Variants in CNGB3 observed in about 807,000 individuals in gnomAD.
CNGB3 encodes cyclic nucleotide gated channel subunit beta 3, also known as cyclic nucleotide-gated channel beta-3.
Under a neutral mutation model 92.8 loss-of-function variants are expected in CNGB3, and 86 were observed. That is an observed-to-expected ratio of 0.93 (90% confidence interval 0.78 to 1.11). CNGB3 has a LOEUF of 1.11. Among genes scored for constraint, CNGB3 ranks in the 50% least tolerant of loss-of-function variants. The pLI, the probability that CNGB3 is intolerant of heterozygous loss-of-function variation, is 0.00. For synonymous variants in CNGB3, 333 were observed against 332.7 expected, an observed-to-expected ratio of 1.00 and a Z score of -0.01; for missense variants, 1,026 against 956.8, an observed-to-expected ratio of 1.07 and a Z score of -0.95.
chr8:86,643,234 C>A (rs1459231518), intron 10 of CNGB3, among the ~76,000 whole-genome samples: 1 of 151,334 alleles, frequency 6.6e-6, no homozygotes, highest in Non-Finnish European at 1.5e-5. Flanking sequence ...TTTATTTAGA[C>A]CAATTCATGG....
chr8:86,722,279 T>A (rs1824985303), intron 3 of CNGB3, among the ~76,000 whole-genome samples: 1 of 152,170 alleles, frequency 6.6e-6, no homozygotes, highest in Non-Finnish European at 1.5e-5. Flanking sequence ...CAAAATATAT[T>A]TTTATATTAA....
chr8:86,677,758 G>A (rs1365972792), intron 3 of CNGB3, among the ~76,000 whole-genome samples: 1 of 152,162 alleles, frequency 6.6e-6, no homozygotes, highest in African/African-American at 2.4e-5. Context: ...TAGGATGGGG[G>A]CAAGTAAGAG....
chr8:86,734,792 G>A (rs1407467676), intron 2 of CNGB3, among the ~76,000 whole-genome samples: 5 of 152,116 alleles, frequency 3.3e-5, no homozygotes, highest in Non-Finnish European at 5.9e-5. Context: ...CTTCAGACAG[G>A]GCATGAATGC....
At chr8:86,709,169 C>T (rs1445431339) in intron 3 of CNGB3, among the ~76,000 whole-genome samples, 1 of 152,116 alleles carries the variant, frequency 6.6e-6, no homozygotes, top group Admixed American at 6.5e-5. Context: ...GGGATTAGCA[C>T]ACTAACAAAG....
At chr8:86,706,350 C>T (rs1356952372) in intron 3 of CNGB3, among the ~76,000 whole-genome samples, 1 of 152,144 alleles carries the variant, frequency 6.6e-6, no homozygotes, top group East Asian at 1.9e-4. Context: ...CCTTTCAAAA[C>T]ACATGTTGGT....
rs370010875 is a variant in CNGB3 at position 86,616,823 on chromosome 8, C to T, written c.1579-5152G>A. Among the ~76,000 whole-genome samples the T allele has an allele frequency of 8.5e-5, 13 of 152,240 alleles. 1 individual carries two copies. The East Asian group carries it at 1.4e-3, about 16-fold the overall frequency. ...AGAACTGGAGTCCCAGGAAGCCTGT[C>T]GACTTTCTCTAAGGTCACACATGCG... On this transcript the variant is annotated intron_variant, in intron 13 of 17. Coordinates refer to ENST00000320005, the MANE Select transcript of CNGB3 (RefSeq NM_019098.5).
rs141530733 is a variant in CNGB3, at chr8:86,666,942, T to C, written c.835A>G (p.Arg279Gly). ...CCACTTACTATTATGTCTCCTCCTC[T>C]TACAAACTGGAGTCTGGGCTGGATA... Reference protein sequence around the residue: ...LFIQPRLQFVRGGDIIVDSNE... With the variant: ...LFIQPRLQFVGGGDIIVDSNE... The change falls in exon 6 of 18, where the codon AGA becomes GGA. Residue 279 changes from arginine to glycine, a missense_variant. Transcript: ENST00000320005. The C allele has an allele frequency of 8.1e-6, 13 of 1,612,522 alleles. 1 individual carries two copies. The Middle Eastern group carries it at 1.0e-3, about 125-fold the overall frequency.
At chr8:86,695,680 T>G (rs1045503409) in intron 3 of CNGB3, among the ~76,000 whole-genome samples, 1 of 152,164 alleles carries the variant, frequency 6.6e-6, no homozygotes, top group African/African-American at 2.4e-5. Flanking sequence ...GATTTCATCT[T>G]GGTTTGGATC....
chr8:86,601,844 T>G (rs961795889), intron 15 of CNGB3, among the ~76,000 whole-genome samples: 1 of 152,168 alleles, frequency 6.6e-6, no homozygotes, highest in African/African-American at 2.4e-5. Context: ...CTGAGCAAGT[T>G]TAAAGTTTGT....
At chr8:86,596,443 C>T (rs1822172675) in intron 15 of CNGB3, among the ~76,000 whole-genome samples, 1 of 152,138 alleles carries the variant, frequency 6.6e-6, no homozygotes, top group Non-Finnish European at 1.5e-5. Context: ...ATAAATATAG[C>T]AGTGTTATTC....
chr8:86,694,214 C>T lies in CNGB3; in HGVS notation c.339-23116G>A, dbSNP rs112054431. Among the ~76,000 whole-genome samples, 6 of 137,080 alleles carry T rather than the reference C, an allele frequency of 4.4e-5. No homozygotes were observed. The East Asian group carries it at 1.2e-3, about 27-fold the overall frequency. 89.9% of individuals were successfully genotyped at this position (137,080 alleles called of 152,430 possible). On this transcript the variant is annotated intron_variant, in intron 3 of 17. Coordinates refer to ENST00000320005, the MANE Select transcript of CNGB3 (RefSeq NM_019098.5). ...CTCCCTCCCGGACGGGGCGGCTGGC[C>T]GGGCGGGGGGCTGACCCCCCCACCT...
intron 3 of CNGB3, among the ~76,000 whole-genome samples, chr8:86,673,582 C>T (rs141129445): frequency 1.7e-3 from 259 of 152,184 alleles, no homozygotes; most frequent in African/African-American, 5.7e-3. Flanking sequence ...ATTAAGCAGA[C>T]GAAAGGCCTG....
At chr8:86,619,007 C>T (rs1822672149) in intron 13 of CNGB3, among the ~76,000 whole-genome samples, 2 of 152,208 alleles carry the variant, frequency 1.3e-5, no homozygotes, top group South Asian at 4.1e-4. Flanking sequence ...AGTCAAAGAT[C>T]CCAGTGAGGT....
chr8:86,667,494 C>T (rs540117577), intron 5 of CNGB3, among the ~76,000 whole-genome samples: 3 of 152,316 alleles, frequency 2.0e-5, no homozygotes, highest in South Asian at 4.1e-4. Context: ...TCTTTAGTTC[C>T]TCAGTAGTTA....
At chr8:86,661,546 C>T in intron 6 of CNGB3, 1 of 704,452 alleles carries the variant, frequency 1.4e-6, no homozygotes, top group Non-Finnish European at 2.7e-6. Flanking sequence ...TTTGAGTCTT[C>T]CTAATTTTCT....
intron 2 of CNGB3, among the ~76,000 whole-genome samples, chr8:86,736,284 A>G (rs541973435): frequency 8.2e-4 from 125 of 152,190 alleles, no homozygotes; most frequent in Non-Finnish European, 8.1e-4. Context: ...AAAATATCTT[A>G]AATATAACTG....
intron 3 of CNGB3, among the ~76,000 whole-genome samples, chr8:86,700,218 T>C (rs1423467460): frequency 6.6e-6 from 1 of 152,240 alleles, no homozygotes; most frequent in African/African-American, 2.4e-5. Context: ...AAGCTCTTTA[T>C]GCTTTTTTTC....
chr8:86,665,993 A>C (rs866659940), intron 6 of CNGB3, among the ~76,000 whole-genome samples: 4 of 152,236 alleles, frequency 2.6e-5, no homozygotes, highest in Non-Finnish European at 5.9e-5. Flanking sequence ...TCTCTACTAC[A>C]TGGAGGCACT....
At chr8:86,734,584 G>A (rs1825212579) in intron 2 of CNGB3, among the ~76,000 whole-genome samples, 1 of 152,100 alleles carries the variant, frequency 6.6e-6, no homozygotes, top group African/African-American at 2.4e-5. Flanking sequence ...GACTAAATTT[G>A]GTAAGAATTC....
Sources: allele counts gnomAD v4.1 joint callset (sites outside exome capture counted in the v4.1 genomes callset), GRCh38; gene constraint gnomAD v4.1.1; transcripts MANE v1.5; gene names NCBI Gene and HGNC (gene_info 2026-07-23, HGNC 2026-07-21).